WDR25: variants seen among roughly 807,000 people sequenced by gnomAD.
WDR25 encodes the protein WD repeat-containing protein 25.
WDR25 carries 35 observed loss-of-function variants against 47.7 expected under a neutral mutation model. The observed-to-expected ratio is 0.73, with a 90% CI of 0.56 to 0.97. The LOEUF is 0.97. Ranked by LOEUF, WDR25 falls within the 50% of genes least tolerant of loss-of-function variation. The pLI is 0.00. For missense variants in WDR25, 634 were observed against 704.7 expected (o/e 0.90, Z 1.14); for synonymous variants, 248 against 278.9 (o/e 0.89, Z 1.10).
Position 100,468,112 on chromosome 14 carries a change from G to A in WDR25, c.914G>A (p.Arg305Gln), listed in dbSNP as rs138735540. ...VRAARWAPCG[R>Q]RILSGGFDFA... ...GCCGCCCGGTGGGCTCCCTGTGGCC[G>A]GCGCATCCTCAGTGGTGGCTTTGAC... is the stretch of plus-strand genomic sequence containing the variant. Residue 305 changes from arginine to glutamine, a missense_variant, in exon 3 of 7, where the codon CGG (arginine) becomes CAG (glutamine). Transcript: ENST00000402312. This position sits in a 1 kb window ranked among gnomAD's most constrained non-coding sequence, Gnocchi z 4.5. 65 of 1,613,486 alleles carry A rather than the reference G, an allele frequency of 4.0e-5. No homozygotes were observed. In the Admixed American group the frequency reaches 8.3e-4, roughly 21 times the overall value.
intron 2 of WDR25, among the ~76,000 whole-genome samples, chr14:100,429,146 C>T (rs760597524): frequency 6.6e-6 from 1 of 152,202 alleles, no homozygotes; most frequent in Non-Finnish European, 1.5e-5. Flanking sequence ...AGGACCTGTC[C>T]TGACTCCGTG....
At chr14:100,487,533 T>G (rs1900424794) in intron 4 of WDR25, 1 of 152,222 alleles carries the variant, frequency 6.6e-6, no homozygotes, top group Non-Finnish European at 1.5e-5. Flanking sequence ...CTGGCTGACC[T>G]TGGTAAAGAG....
chr14:100,512,520 T>C (rs10130199), intron 4 of WDR25, among the ~76,000 whole-genome samples: 64,429 of 151,940 alleles, frequency 0.42, 14,083 homozygotes, highest in East Asian at 0.64. Context: ...GGCTTATAAA[T>C]TTTATTGATC....
intron 2 of WDR25, among the ~76,000 whole-genome samples, chr14:100,452,477 T>A (rs1040063926): frequency 3.3e-5 from 5 of 152,112 alleles, no homozygotes; most frequent in African/African-American, 1.2e-4. Flanking sequence ...AGTGTTTAGA[T>A]CGTGTGGTTC....
rs868180468 is a variant in WDR25 at position 100,425,075 on chromosome 14, G to T, written c.823-42946G>T. ...AGACAAGTGCAGCAGCCTCAGAAAT[G>T]TTCTCCCCTGCCTCCCCTTCATGCC... is the stretch of plus-strand genomic sequence containing the variant. On this transcript the variant is annotated intron_variant, in intron 2 of 6. Coordinates refer to ENST00000402312, the MANE Select transcript of WDR25 (RefSeq NM_001161476.3). The surrounding 1 kb of genome is among the most constrained non-coding windows in gnomAD (Gnocchi z 4.8). Among the ~76,000 whole-genome samples the T allele has an allele frequency of 1.3e-5, 2 of 152,290 alleles. No homozygotes were observed. The highest frequency in any genetic ancestry group is 6.5e-5 in the Admixed American group (1 of 15,300).
At position 100,478,196 on chromosome 14, in the gene WDR25, T is replaced by C. The variant is rs1900082728; in HGVS notation, c.971-5798T>C. 2.0e-5 allele frequency among the ~76,000 whole-genome samples: 3 copies of C among 152,258 alleles called. No individual in the cohort carries two copies. In the South Asian group the frequency reaches 6.2e-4, roughly 31 times the overall value. Reference sequence around the variant, plus strand: ...GAATTCAATAATTTGGGGTTTAATTTTGTAAACTATAATAGCTCCCTTTTG... The same window carrying C: ...GAATTCAATAATTTGGGGTTTAATTCTGTAAACTATAATAGCTCCCTTTTG... On this transcript the variant is annotated intron_variant, in intron 3 of 6. Coordinates refer to ENST00000402312, the MANE Select transcript of WDR25 (RefSeq NM_001161476.3).
chr14:100,384,828 G>A (rs1896983719), intron 2 of WDR25, among the ~76,000 whole-genome samples: 1 of 152,194 alleles, frequency 6.6e-6, no homozygotes, highest in South Asian at 2.1e-4. Flanking sequence ...CAGGAAGGAG[G>A]GAAGAGCTTG....
intron 2 of WDR25, among the ~76,000 whole-genome samples, chr14:100,403,100 T>C (rs1449221953): frequency 6.6e-6 from 1 of 152,234 alleles, no homozygotes; most frequent in Non-Finnish European, 1.5e-5. Context: ...TCCTATCCTT[T>C]CTACCAAGTA....
intron 2 of WDR25, among the ~76,000 whole-genome samples, chr14:100,387,573 C>T (rs575026519): frequency 6.6e-6 from 1 of 152,216 alleles, no homozygotes; most frequent in African/African-American, 2.4e-5. Flanking sequence ...ATGTTCTAAA[C>T]GCTCCGTCTC....
At chr14:100,412,349 C>T (rs966828272) in intron 2 of WDR25, among the ~76,000 whole-genome samples, 1 of 152,138 alleles carries the variant, frequency 6.6e-6, no homozygotes, top group African/African-American at 2.4e-5. Context: ...GTATTAGGTG[C>T]TCAGGAATCA....
chr14:100,511,222 T>C (rs1252074845), intron 4 of WDR25, among the ~76,000 whole-genome samples: 1 of 152,198 alleles, frequency 6.6e-6, no homozygotes, highest in Non-Finnish European at 1.5e-5. Context: ...GTTTTGTAGT[T>C]TTCATAGTGT....
rs1330835491 is a variant in WDR25 at position 100,525,612 on chromosome 14, A to C, written c.1102-258A>C. ...TTTCCCTGGGATCCTGCTGCTCTCA[A>C]GGGGTGATAGGGATGCCTCTCTGGA... On this transcript the variant is annotated intron_variant, in intron 4 of 6. Coordinates refer to ENST00000402312, the MANE Select transcript of WDR25 (RefSeq NM_001161476.3). This position sits in a 1 kb window ranked among gnomAD's most constrained non-coding sequence, Gnocchi z 4.6. Among the ~76,000 whole-genome samples the C allele has an allele frequency of 1.3e-5, 2 of 152,046 alleles. No homozygotes were observed. Among genetic ancestry groups the C allele is most frequent in the Non-Finnish European group, 2.9e-5 (2 of 67,998 alleles).
intron 4 of WDR25, among the ~76,000 whole-genome samples, chr14:100,490,148 C>T (rs1297956610): frequency 2.6e-5 from 4 of 152,190 alleles, no homozygotes; most frequent in African/African-American, 7.2e-5. Flanking sequence ...TGTGGGCCCT[C>T]AGCTCAGCTT....
At chr14:100,443,710 A>C (rs1898738673) in intron 2 of WDR25, among the ~76,000 whole-genome samples, 1 of 152,100 alleles carries the variant, frequency 6.6e-6, no homozygotes, top group Admixed American at 6.5e-5. Flanking sequence ...GAAGTTCTTT[A>C]ATTACAGAAT....
intron 4 of WDR25, among the ~76,000 whole-genome samples, chr14:100,494,931 G>A (rs1900683439): frequency 6.6e-6 from 1 of 152,208 alleles, no homozygotes; most frequent in Non-Finnish European, 1.5e-5. Context: ...CTTGAGGCCA[G>A]GAGTTAGAGA....
At chr14:100,448,034 A>C (rs1898894840) in intron 2 of WDR25, among the ~76,000 whole-genome samples, 1 of 152,028 alleles carries the variant, frequency 6.6e-6, no homozygotes, top group Non-Finnish European at 1.5e-5. Context: ...TCTCTGCTGA[A>C]AATACAAAAA....
intron 2 of WDR25, among the ~76,000 whole-genome samples, chr14:100,410,748 G>A (rs147364582): frequency 8.8e-4 from 134 of 151,886 alleles, no homozygotes; most frequent in African/African-American, 3.2e-3. Flanking sequence ...TTAAACTACA[G>A]GACACTCACT....
chr14:100,465,677 C>G (rs1899605667), intron 2 of WDR25, among the ~76,000 whole-genome samples: 1 of 152,212 alleles, frequency 6.6e-6, no homozygotes, highest in African/African-American at 2.4e-5. Context: ...CATGGATGTA[C>G]AGTATCTTTT....
At chr14:100,427,011 C>G (rs934011618) in intron 2 of WDR25, among the ~76,000 whole-genome samples, 2 of 152,128 alleles carry the variant, frequency 1.3e-5, no homozygotes, top group Non-Finnish European at 2.9e-5. Flanking sequence ...AACCCTTCAG[C>G]AACTCCCCCT....
Sources: gnomAD v4.1 joint callset for allele counts (sites outside exome capture counted in the v4.1 genomes callset) on GRCh38, gnomAD v4.1.1 for gene constraint, Gnocchi (gnomAD v3.1) non-coding constraint, MANE v1.5 for transcripts, NCBI Gene and HGNC (gene_info 2026-07-23, HGNC 2026-07-21) for gene names.